Variants in DMD observed in about 807,000 individuals in gnomAD.
The protein encoded by DMD is mutant dystrophin.
DMD carries 63 observed loss-of-function variants against 330.1 expected under a neutral mutation model. That is an observed-to-expected ratio of 0.19 (90% CI 0.16 to 0.24). The LOEUF is 0.24. DMD is among the 10% of genes least tolerant of loss of function. The probability of loss-of-function intolerance (pLI) is 1.00; values close to 1 mark genes in which losing one functional copy is unlikely to be tolerated. For synonymous variants in DMD, 1,223 were observed against 959.8 expected (o/e 1.27, Z -5.07); for missense variants, 3,344 against 2,684.1 (o/e 1.25, Z -5.43).
At chrX:31,384,309 C>CACTACTACTACTACT (rs79171547) in intron 60 of DMD, among the ~76,000 whole-genome samples, 21 of 91,313 alleles carry the variant, frequency 2.3e-4, no homozygotes, top group South Asian at 5.7e-4. Context: ...TATCCTGCTT[C>CACTACTACTACTACT]ACTACTACTA....
In DMD at chrX:32,906,092, G is replaced by T. The variant is rs1012338569; in HGVS notation, c.94-56272C>A. Among the ~76,000 whole-genome samples, 3 of 112,229 alleles carry T rather than the reference G, an allele frequency of 2.7e-5. No homozygotes were observed. The East Asian group carries it at 8.4e-4, about 32-fold the overall frequency. On this transcript the variant is annotated intron_variant, in intron 2 of 78. Transcript: ENST00000357033. ...ATATGGTTTAAATTCATGTCCCCAC[G>T]AAATCTCATGTTGAATTGTAATCCC...
intron 44 of DMD, among the ~76,000 whole-genome samples, chrX:32,096,812 A>G (rs954363378): frequency 9.0e-6 from 1 of 111,570 alleles, no homozygotes; most frequent in African/African-American, 3.3e-5. Context: ...AGACAAGCGG[A>G]TTTTTCGGAG....
intron 7 of DMD, among the ~76,000 whole-genome samples, chrX:32,712,157 CT>C (rs202022353): frequency 0.01 from 1,155 of 111,710 alleles, 5 homozygotes; most frequent in Non-Finnish European, 0.017. Context: ...TATTCTGTAA[CT>C]ATTTATTGGA....
intron 62 of DMD, among the ~76,000 whole-genome samples, chrX:31,269,258 C>T (rs1185458190): frequency 3.6e-5 from 4 of 111,706 alleles, no homozygotes; most frequent in African/African-American, 6.5e-5. Context: ...GATATACCTT[C>T]GTGTCATATG....
chrX:33,180,534 T>TGTCTTGTTGTATCTCTGTTC (rs2049937592), intron 1 of DMD, among the ~76,000 whole-genome samples: 1 of 111,461 alleles, frequency 9.0e-6, no homozygotes, highest in South Asian at 3.7e-4. Context: ...CTTCACTGTT[T>TGTCTTGTTGTATCTCTGTTC]GTCTTGTTGT....
chrX:32,243,001 C>G (rs66751719), intron 43 of DMD, among the ~76,000 whole-genome samples: 23,745 of 101,186 alleles, frequency 0.23, 2,836 homozygotes, highest in African/African-American at 0.43. Flanking sequence ...AAGGAAGAAA[C>G]AAAAGAAAGG....
chrX:32,318,269 A>C (rs1430316533), intron 41 of DMD, among the ~76,000 whole-genome samples: 1 of 111,619 alleles, frequency 9.0e-6, no homozygotes, highest in Non-Finnish European at 1.9e-5. Flanking sequence ...GTAAGCATAA[A>C]AATGCAAATC....
chrX:32,638,331 C>T (rs1341420933), intron 11 of DMD, among the ~76,000 whole-genome samples: 2 of 111,423 alleles, frequency 1.8e-5, no homozygotes, highest in African/African-American at 6.5e-5. Context: ...ATTTGGCCCA[C>T]GTCACTTGAT....
At chrX:31,616,257 G>A (rs1305109263) in intron 55 of DMD, among the ~76,000 whole-genome samples, 1 of 111,596 alleles carries the variant, frequency 9.0e-6, no homozygotes, top group African/African-American at 3.3e-5. Context: ...CAGCTTGGGG[G>A]CTCAGGGAAA....
At chrX:31,200,024 C>G (rs941338080) in intron 67 of DMD, among the ~76,000 whole-genome samples, 2 of 112,157 alleles carry the variant, frequency 1.8e-5, no homozygotes, top group Admixed American at 9.4e-5. Context: ...AGGGCCAGGA[C>G]GTGGATTCCT....
intron 53 of DMD, among the ~76,000 whole-genome samples, chrX:31,661,371 T>C (rs1335657674): frequency 1.8e-5 from 2 of 110,260 alleles, no homozygotes. Flanking sequence ...TTTTTTTTTT[T>C]CTCCCTTCTT....
intron 62 of DMD, among the ~76,000 whole-genome samples, chrX:31,278,700 A>G (rs2093798216): frequency 8.9e-6 from 1 of 111,855 alleles, no homozygotes; most frequent in South Asian, 3.8e-4. Flanking sequence ...TCAAAACATA[A>G]ACTGAGAAAT....
chrX:32,697,002 C>A (rs768747681), intron 9 of DMD, among the ~76,000 whole-genome samples: 1 of 111,918 alleles, frequency 8.9e-6, no homozygotes, highest in Admixed American at 9.5e-5. Context: ...AAAATGTACA[C>A]ATTTTTTAGC....
chrX:32,794,602 C>G (rs2748304), intron 7 of DMD, among the ~76,000 whole-genome samples: 2 of 109,325 alleles, frequency 1.8e-5, no homozygotes, highest in Non-Finnish European at 3.8e-5. Flanking sequence ...AACAAAAAAC[C>G]AAAAACAAAA....
At chrX:32,478,766 C>G (rs1160908163) in intron 21 of DMD, among the ~76,000 whole-genome samples, 1 of 111,624 alleles carries the variant, frequency 9.0e-6, no homozygotes. Flanking sequence ...GCAACTTGCT[C>G]TGCTGAAAGT....
chrX:31,341,891 G>GCGCGCGCGCGCACACACACACACACACA lies in DMD; in HGVS notation c.9163+6664_9163+6665insTGTGTGTGTGTGTGTGTGCGCGCGCGCG, dbSNP rs374298104. On this transcript the variant is annotated intron_variant, in intron 61 of 78. Transcript: ENST00000357033. Reference sequence around the variant, plus strand: ...GGCGTGCGCGCGTGCGTGCGCGCGCGCACACACACACACACACACACACAC... The same window carrying GCGCGCGCGCGCACACACACACACACACA: ...GGCGTGCGCGCGTGCGTGCGCGCGCGCGCGCGCGCGCACACACACACACACACACACACACACACACACACACACACAC... Among the ~76,000 whole-genome samples the GCGCGCGCGCGCACACACACACACACACA allele has an allele frequency of 3.7e-3, 365 of 98,864 alleles. 1 individual carries two copies. The highest frequency in any genetic ancestry group is 6.3e-3 in the Non-Finnish European group (305 of 48,788). The allele number at this position is 98,864 out of a possible 115,157, so 85.9% of individuals were successfully genotyped here.
intron 52 of DMD, among the ~76,000 whole-genome samples, chrX:31,688,109 T>G (rs1402008394): frequency 1.8e-5 from 2 of 108,968 alleles, no homozygotes; most frequent in African/African-American, 3.3e-5. Context: ...AAAAAAATAA[T>G]AAGAAACAAT....
intron 30 of DMD, among the ~76,000 whole-genome samples, chrX:32,394,117 T>TA (rs1423836820): frequency 1.0e-4 from 3 of 29,762 alleles, no homozygotes; most frequent in African/African-American, 3.8e-4. Flanking sequence ...CATAAAGTGA[T>TA]TTTTTTTAAA....
chrX:33,111,003 T>A (rs2095335421), intron 1 of DMD, among the ~76,000 whole-genome samples: 1 of 111,461 alleles, frequency 9.0e-6, no homozygotes, highest in African/African-American at 3.3e-5. Flanking sequence ...GCACTGTGTA[T>A]ATTCTTTTGC....
Sources: allele counts gnomAD v4.1 joint callset (sites outside exome capture counted in the v4.1 genomes callset), GRCh38; gene constraint gnomAD v4.1.1; transcripts MANE v1.5; gene names NCBI Gene and HGNC (gene_info 2026-07-23, HGNC 2026-07-21).